The following TWIST2 variants were observed in gnomAD, a reference collection of about 807,000 sequenced individuals.
TWIST2 encodes twist family bHLH transcription factor 2.
A neutral mutation model predicts 11.6 loss-of-function variants in TWIST2; 1 was observed. The ratio of observed to expected loss-of-function variants is 0.09; its 90% CI spans 0.03 to 0.41. The LOEUF is 0.41. TWIST2 is among the 10% of genes least tolerant of loss of function. The pLI is 0.98. For missense variants in TWIST2, 168 were observed against 226.4 expected (o/e 0.74, Z 1.66); for synonymous variants, 87 against 96.6 (o/e 0.90, Z 0.58).
At chr2:238,894,755 A>T (rs1693188264) in intron 1 of TWIST2, among the ~76,000 whole-genome samples, 1 of 151,764 alleles carries the variant, frequency 6.6e-6, no homozygotes, top group Non-Finnish European at 1.5e-5. Context: ...CTCAACTGGG[A>T]CTGATCTCCT....
At chr2:238,858,303 C>T (rs1341197784) in intron 1 of TWIST2, among the ~76,000 whole-genome samples, 5 of 152,276 alleles carry the variant, frequency 3.3e-5, no homozygotes, top group Admixed American at 6.5e-5. Context: ...TATACATGAT[C>T]GGTGTGACTC....
intron 1 of TWIST2, among the ~76,000 whole-genome samples, chr2:238,880,626 A>C (rs2106364378): frequency 1.1e-5 from 1 of 90,032 alleles, no homozygotes; most frequent in East Asian, 3.9e-4. Context: ...TATTAGTATT[A>C]GTGTTACTGT....
At chr2:238,880,299 T>C (rs377360271) in intron 1 of TWIST2, among the ~76,000 whole-genome samples, 18 of 122,500 alleles carry the variant, frequency 1.5e-4, no homozygotes, top group East Asian at 9.0e-4. Flanking sequence ...GTTAGTGTTA[T>C]TGTTAGTGTT....
At chr2:238,895,024 C>T (rs1381621369) in intron 1 of TWIST2, among the ~76,000 whole-genome samples, 1 of 152,180 alleles carries the variant, frequency 6.6e-6, no homozygotes, top group Non-Finnish European at 1.5e-5. Flanking sequence ...TGTGAGCTGG[C>T]TGAGGCACGT....
intron 1 of TWIST2, among the ~76,000 whole-genome samples, chr2:238,904,237 G>A (rs1268626924): frequency 1.6e-5 from 2 of 126,054 alleles, no homozygotes; most frequent in Admixed American, 1.5e-4. Flanking sequence ...TGTGATGTGG[G>A]GTGTGTGTGA....
At chr2:238,872,958 G>T (rs925261823) in intron 1 of TWIST2, among the ~76,000 whole-genome samples, 4 of 152,196 alleles carry the variant, frequency 2.6e-5, no homozygotes, top group Non-Finnish European at 5.9e-5. Flanking sequence ...AGAATGACTA[G>T]AATCTGTCTC....
rs1692180313 is a variant in TWIST2, at chr2:238,848,694, A to G, written c.479A>G (p.His160Arg). 6.6e-7 allele frequency: 1 copy of G among 1,511,472 alleles called. No individual in the cohort carries two copies. Among genetic ancestry groups the G allele is most frequent in the South Asian group, 1.2e-5 (1 of 81,690 alleles). 93.6% of individuals were successfully genotyped at this position (1,511,472 alleles called of 1,614,324 possible). A position where few individuals can be genotyped will look rare whatever the true frequency, so the allele number is the denominator to read the frequency against. Residue 160 changes from histidine to arginine, a missense_variant, in exon 1 of 2, where the codon CAC (histidine) becomes CGC (arginine). By Grantham distance (29) the His-to-Arg change is conservative. Transcript: ENST00000612363. Reference protein sequence around the residue: ...MEGAWSMSASH With the variant: ...MEGAWSMSASR The stretch of plus-strand genomic sequence containing the variant: ...GGCGCGTGGTCCATGTCCGCCTCCC[A>G]CTAGCGCCGCGCCACCCACCTCCGG...
chr2:238,908,994 ATGTT>A (rs1448850608), intron 1 of TWIST2, among the ~76,000 whole-genome samples: 29 of 148,436 alleles, frequency 2.0e-4, no homozygotes, highest in African/African-American at 7.0e-4. Context: ...AGTGTGTAGT[ATGTT>A]TGTGTGGTGT....
At chr2:238,861,365 T>C (rs1692431783) in intron 1 of TWIST2, among the ~76,000 whole-genome samples, 1 of 152,170 alleles carries the variant, frequency 6.6e-6, no homozygotes, top group African/African-American at 2.4e-5. Context: ...GGTAACTAAA[T>C]TGGAGGCTCT....
chr2:238,894,150 A>C (rs1693180111), intron 1 of TWIST2, among the ~76,000 whole-genome samples: 1 of 152,096 alleles, frequency 6.6e-6, no homozygotes, highest in African/African-American at 2.4e-5. Flanking sequence ...CCTCTCTCCA[A>C]GGGGAGAATA....
At chr2:238,859,212 CAAAA>C (rs544641770) in intron 1 of TWIST2, among the ~76,000 whole-genome samples, 8 of 139,598 alleles carry the variant, frequency 5.7e-5, no homozygotes, top group African/African-American at 1.1e-4. Flanking sequence ...CACTCCGTCT[CAAAA>C]AAAAAAAAAA....
intron 1 of TWIST2, among the ~76,000 whole-genome samples, chr2:238,888,128 T>G (rs1384909465): frequency 6.6e-6 from 1 of 152,232 alleles, no homozygotes; most frequent in Admixed American, 6.5e-5. Flanking sequence ...CATTTGTTAT[T>G]TACTAAATGT....
chr2:238,905,953 GTGTA>G (rs1693345416), intron 1 of TWIST2, among the ~76,000 whole-genome samples: 1 of 112,728 alleles, frequency 8.9e-6, no homozygotes, highest in Admixed American at 7.7e-5. Flanking sequence ...GCGCGCGCGT[GTGTA>G]CGTGTGCGTG....
intron 1 of TWIST2, among the ~76,000 whole-genome samples, chr2:238,893,607 C>A (rs1450747426): frequency 1.3e-5 from 2 of 152,196 alleles, no homozygotes; most frequent in East Asian, 1.9e-4. Context: ...CTCAAAGCCT[C>A]CGTGTGCTCA....
At chr2:238,905,952 T>C (rs1220702487) in intron 1 of TWIST2, among the ~76,000 whole-genome samples, 147 of 114,558 alleles carry the variant, frequency 1.3e-3, no homozygotes, top group East Asian at 9.1e-3. Context: ...TGCGCGCGCG[T>C]GTGTACGTGT....
At position 238,868,426 on chromosome 2, in the gene TWIST2, G is replaced by C. The variant is rs149453956; in HGVS notation, c.*35+19693G>C. 1.2e-4 allele frequency among the ~76,000 whole-genome samples: 18 copies of C among 152,320 alleles called. 2 individuals are homozygous for C. The highest frequency in any genetic ancestry group is 4.3e-4 in the African/African-American group (18 of 41,568). ...AACAAAACCCAAGCCTGCCCACTTC[G>C]GACAGGGGCAGGGTGGAGAGCCTCA... On this transcript the variant is annotated intron_variant, in intron 1 of 1. Transcript: ENST00000612363.
chr2:238,849,492 A>T (rs1230195514), intron 1 of TWIST2, among the ~76,000 whole-genome samples: 1 of 152,184 alleles, frequency 6.6e-6, no homozygotes, highest in Non-Finnish European at 1.5e-5. Flanking sequence ...GGGCGCCCGC[A>T]GGCAGGTGGA....
intron 1 of TWIST2, among the ~76,000 whole-genome samples, chr2:238,905,215 CCCCGGT>C (rs1693326767): frequency 7.4e-6 from 1 of 135,182 alleles, no homozygotes; most frequent in East Asian, 2.8e-4. Context: ...CTCATTAGGG[CCCCGGT>C]CTGGTGTGGA....
At chr2:238,856,506 A>G (rs1692331091) in intron 1 of TWIST2, among the ~76,000 whole-genome samples, 1 of 152,218 alleles carries the variant, frequency 6.6e-6, no homozygotes, top group Non-Finnish European at 1.5e-5. Context: ...ACATTAGTCT[A>G]TCATTTATAA....
Sources: gnomAD v4.1 joint callset for allele counts (sites outside exome capture counted in the v4.1 genomes callset) on GRCh38, gnomAD v4.1.1 for gene constraint, MANE v1.5 for transcripts, NCBI Gene and HGNC (gene_info 2026-07-23, HGNC 2026-07-21) for gene names.